Variants in TCF12 observed in about 807,000 individuals in gnomAD.
The protein encoded by TCF12 is DNA-binding protein HTF4.
A neutral mutation model predicts 86.0 loss-of-function variants in TCF12; 45 were observed. That is an observed-to-expected ratio of 0.52 (90% CI 0.41 to 0.67). The LOEUF (loss-of-function observed/expected upper bound fraction) is 0.67. Ranked by LOEUF, TCF12 falls within the 30% of genes least tolerant of loss-of-function variation. The pLI is 0.00. For missense variants in TCF12, 881 were observed against 859.9 expected, an observed-to-expected ratio of 1.02 and a Z score of -0.31; for synonymous variants, 330 against 299.6, an observed-to-expected ratio of 1.10 and a Z score of -1.05.
At chr15:56,956,281 G>A (rs1181059937) in intron 3 of TCF12, among the ~76,000 whole-genome samples, 1 of 150,280 alleles carries the variant, frequency 6.7e-6, no homozygotes. Flanking sequence ...TGTGTTCTTT[G>A]GTTCCCTTTT....
At chr15:57,192,362 C>T in intron 7 of TCF12, 69 bp downstream of exon 7, 1 of 1,523,632 alleles carries the variant, frequency 6.6e-7, no homozygotes, top group South Asian at 1.3e-5. Flanking sequence ...ATAATCTGTA[C>T]TTCTGGCTAT....
At chr15:57,135,567 A>G (rs2052462063) in intron 5 of TCF12, among the ~76,000 whole-genome samples, 1 of 152,236 alleles carries the variant, frequency 6.6e-6, no homozygotes. Context: ...TTATGAAATT[A>G]TTTTAGTAAT....
rs752306831 is a variant in TCF12 at position 57,147,067 on chromosome 15, A to G, written c.326-19335A>G. ...CTTGGAGCTGGAGAATGGATATTCT[A>G]TTCATTTGGGAAAATAGCAGTGCCT... On this transcript the variant is annotated intron_variant, in intron 5 of 20. Coordinates refer to ENST00000333725, the MANE Select transcript of TCF12 (RefSeq NM_207037.2). Among the ~76,000 whole-genome samples, 38 of 152,342 alleles carry G rather than the reference A, an allele frequency of 2.5e-4. 1 individual carries two copies. The highest frequency in any genetic ancestry group is 1.6e-3 in the Admixed American group (24 of 15,298).
At chr15:57,218,055 A>G (rs1298538373) in intron 8 of TCF12, among the ~76,000 whole-genome samples, 1 of 152,142 alleles carries the variant, frequency 6.6e-6, no homozygotes, top group African/African-American at 2.4e-5. Flanking sequence ...AACATTGTGA[A>G]GTTAGTTGCC....
intron 8 of TCF12, among the ~76,000 whole-genome samples, chr15:57,223,164 A>G (rs1285725925): frequency 6.6e-6 from 1 of 151,998 alleles, no homozygotes; most frequent in Non-Finnish European, 1.5e-5. Context: ...TTTTATAAAT[A>G]AGGAAAATGA....
intron 3 of TCF12, among the ~76,000 whole-genome samples, chr15:56,947,358 G>T (rs927665233): frequency 1.3e-5 from 2 of 152,080 alleles, no homozygotes; most frequent in African/African-American, 4.8e-5. Flanking sequence ...CTCCATGCAC[G>T]TTTCTGGAGA....
chr15:56,981,769 C>G (rs1445651071), intron 3 of TCF12, among the ~76,000 whole-genome samples: 1 of 152,078 alleles, frequency 6.6e-6, no homozygotes, highest in Non-Finnish European at 1.5e-5. Context: ...GTTTTATATG[C>G]TGTATTCTTA....
intron 8 of TCF12, among the ~76,000 whole-genome samples, chr15:57,226,835 T>TAAATA (rs1326793270): frequency 1.3e-5 from 2 of 152,134 alleles, no homozygotes; most frequent in Non-Finnish European, 2.9e-5. Flanking sequence ...AAGCAGTATT[T>TAAATA]AAATAAAATA....
At chr15:57,020,193 A>G (rs1849731705) in intron 3 of TCF12, among the ~76,000 whole-genome samples, 3 of 152,254 alleles carry the variant, frequency 2.0e-5, no homozygotes, top group Non-Finnish European at 2.9e-5. Flanking sequence ...CAGAAAATCT[A>G]GGACATGTGT....
chr15:57,077,746 T>TAAAA (rs369413643), intron 4 of TCF12, among the ~76,000 whole-genome samples: 1 of 148,542 alleles, frequency 6.7e-6, no homozygotes, highest in Admixed American at 6.7e-5. Context: ...TGTAGTTTTT[T>TAAAA]AAAAAAAAAA....
chr15:56,996,796 A>G (rs2063739822), intron 3 of TCF12, among the ~76,000 whole-genome samples: 1 of 152,142 alleles, frequency 6.6e-6, no homozygotes, highest in Non-Finnish European at 1.5e-5. Flanking sequence ...AGATAACCCC[A>G]TTATAAAGGG....
intron 13 of TCF12, chr15:57,247,566 G>A: frequency 2.2e-6 from 2 of 896,286 alleles, no homozygotes; most frequent in Non-Finnish European, 3.7e-6. Flanking sequence ...TTTCCACTCT[G>A]CCTGTCTTCC....
chr15:56,953,459 T>C (rs1649792533), intron 3 of TCF12, among the ~76,000 whole-genome samples: 1 of 152,056 alleles, frequency 6.6e-6, no homozygotes, highest in South Asian at 2.1e-4. Flanking sequence ...GGTATGTTTC[T>C]TTTTTTCTAG....
At chr15:56,925,316 C>T (rs1002953852) in intron 3 of TCF12, among the ~76,000 whole-genome samples, 2 of 125,912 alleles carry the variant, frequency 1.6e-5, no homozygotes, top group African/African-American at 6.1e-5. Flanking sequence ...TAGATCACAA[C>T]ATTTTAGGGG....
intron 3 of TCF12, among the ~76,000 whole-genome samples, chr15:56,951,056 A>G (rs1434908503): frequency 6.6e-6 from 1 of 152,030 alleles, no homozygotes; most frequent in African/African-American, 2.4e-5. Context: ...GCGCCCGGCC[A>G]TTATGACCAT....
rs1171707504 is a variant in TCF12, at chr15:57,275,327, G to GGT, written c.1978+2100_1978+2101dup. 7.8e-4 allele frequency among the ~76,000 whole-genome samples: 50 copies of GGT among 64,050 alleles called. 3 individuals carry two copies. The highest frequency in any genetic ancestry group is 2.2e-3 in the African/African-American group (30 of 13,922). The allele number at this position is 64,050 out of a possible 152,430, so 42.0% of individuals were successfully genotyped here. On this transcript the variant is annotated intron_variant, in intron 19 of 20. Coordinates refer to ENST00000333725, the MANE Select transcript of TCF12 (RefSeq NM_207037.2). ...AGCCCAGGGATCTTTGTAAGGTAGG[G>GGT]GTGTGTGTGTGTGTGTGTGTGTGTG...
At chr15:57,137,796 A>C (rs1273083337) in intron 5 of TCF12, among the ~76,000 whole-genome samples, 1 of 152,308 alleles carries the variant, frequency 6.6e-6, no homozygotes, top group East Asian at 1.9e-4. Context: ...TGAGAGGCCA[A>C]GGCTGGCGGA....
chr15:57,105,906 G>T (rs2050104416), intron 5 of TCF12, among the ~76,000 whole-genome samples: 1 of 152,128 alleles, frequency 6.6e-6, no homozygotes, highest in African/African-American at 2.4e-5. Flanking sequence ...TCGTTATAAG[G>T]GGTATTTAAA....
At chr15:57,088,481 A>G (rs773601830) in intron 4 of TCF12, among the ~76,000 whole-genome samples, 6 of 140,926 alleles carry the variant, frequency 4.3e-5, no homozygotes, top group Non-Finnish European at 1.5e-5. Context: ...ATATTTTGCT[A>G]TTCTAATTGC....
Sources: allele counts gnomAD v4.1 joint callset (sites outside exome capture counted in the v4.1 genomes callset), GRCh38; gene constraint gnomAD v4.1.1; transcripts MANE v1.5; gene names NCBI Gene and HGNC (gene_info 2026-07-23, HGNC 2026-07-21).